Variants in FOCAD observed in about 807,000 individuals in gnomAD.
The protein encoded by FOCAD is KIAA1797.
In FOCAD, 198 loss-of-function variants were observed where a neutral mutation model predicts 225.6. The ratio of observed to expected loss-of-function variants is 0.88; its 90% CI spans 0.78 to 0.99. The LOEUF (loss-of-function observed/expected upper bound fraction) is 0.99. Among genes scored for constraint, FOCAD ranks in the 50% least tolerant of loss-of-function variants. The pLI, the probability that FOCAD is intolerant of heterozygous loss-of-function variation, is 0.00. For missense variants in FOCAD, 2,713 were observed against 2,123.6 expected, an observed-to-expected ratio of 1.28 and a Z score of -5.46; for synonymous variants, 897 against 755.0, an observed-to-expected ratio of 1.19 and a Z score of -3.08.
At chr9:20,671,016 C>G (rs1009141003) in intron 2 of FOCAD, among the ~76,000 whole-genome samples, 1 of 152,148 alleles carries the variant, frequency 6.6e-6, no homozygotes, top group East Asian at 1.9e-4. Context: ...CTCTGATTGT[C>G]TACAGAACAT....
In FOCAD at chr9:20,982,392, A is replaced by G. The variant is rs771235699; in HGVS notation, c.4674A>G (p.Lys1558=). Residue 1558 remains lysine, a synonymous_variant, in exon 39 of 44, where the codon AAA becomes AAG. Transcript: ENST00000338382. ...TAGAGCTGTATATCAGCATAGCAAAATGCCTCTTAGAAATGACAGATGATG... is the reference window on the plus strand; with the variant it reads ...TAGAGCTGTATATCAGCATAGCAAAGTGCCTCTTAGAAATGACAGATGATG... ...KDLELYISIA[K]CLLEMTDDDA... The G allele has an allele frequency of 7.4e-6, 12 of 1,613,792 alleles. No individual in the cohort carries two copies. In the African/African-American group the frequency reaches 1.3e-4, roughly 18 times the overall value.
intron 11 of FOCAD, among the ~76,000 whole-genome samples, chr9:20,813,215 A>G (rs1317502085): frequency 6.6e-6 from 1 of 152,178 alleles, no homozygotes; most frequent in Non-Finnish European, 1.5e-5. Flanking sequence ...AGACTAAATA[A>G]TATTCCATTG....
intron 19 of FOCAD, among the ~76,000 whole-genome samples, chr9:20,876,373 A>AT (rs1000277989): frequency 1.4e-4 from 21 of 151,270 alleles, no homozygotes; most frequent in South Asian, 8.4e-4. Context: ...TTTTTAAATG[A>AT]TTTTTTTTTC....
At chr9:20,912,739 T>TA in intron 22 of FOCAD, 127 bp from the exon 23 acceptor site, 1 of 648,724 alleles carries the variant, frequency 1.5e-6, no homozygotes, top group Admixed American at 2.7e-5. Flanking sequence ...TCCTCTTTCA[T>TA]AATCTAATGT....
At chr9:20,961,208 T>TCC (rs1419804654) in intron 35 of FOCAD, among the ~76,000 whole-genome samples, 1 of 151,578 alleles carries the variant, frequency 6.6e-6, no homozygotes, top group Admixed American at 6.6e-5. Flanking sequence ...TCTCTTTCTC[T>TCC]CCCTCTCTCT....
At chr9:20,760,752 G>T (rs1451470715) in intron 6 of FOCAD, among the ~76,000 whole-genome samples, 1 of 152,110 alleles carries the variant, frequency 6.6e-6, no homozygotes, top group Non-Finnish European at 1.5e-5. Context: ...TGAGGGCAGG[G>T]ACTGTGTTTC....
chr9:20,886,466 TA>T (rs1831110412), intron 21 of FOCAD, among the ~76,000 whole-genome samples: 1 of 151,604 alleles, frequency 6.6e-6, no homozygotes, highest in South Asian at 2.1e-4. Flanking sequence ...TGATTTATAA[TA>T]AAAAGTCACC....
chr9:20,866,917 T>TTTTTTTTTTTAAAAAAA lies in FOCAD; in HGVS notation c.2107-12_2107-11insTTTTTTTTTTAAAAAAA. ...TTTTTTTTTTTTTTTTTTTTTTTTT[T>TTTTTTTTTTTAAAAAAA]ACCCTATCTAGGACCCAATTGTAGC... On this transcript the variant is annotated splice_polypyrimidine_tract_variant and intron_variant, in intron 17 of 43. Transcript: ENST00000338382. 1.3e-6 allele frequency: 1 copy of TTTTTTTTTTTAAAAAAA among 764,972 alleles called. No homozygotes were observed. Among genetic ancestry groups the TTTTTTTTTTTAAAAAAA allele is most frequent in the Non-Finnish European group, 2.0e-6 (1 of 498,468 alleles). 47.4% of individuals were successfully genotyped at this position (764,972 alleles called of 1,614,324 possible). A position where few individuals can be genotyped will look rare whatever the true frequency, so the allele number is the denominator to read the frequency against.
rs143827982 is a variant in FOCAD, at chr9:20,944,697, G to C, written c.3478G>C (p.Val1160Leu). The C allele has an allele frequency of 6.2e-7, 1 of 1,613,976 alleles. No individual in the cohort carries two copies. Among genetic ancestry groups the C allele is most frequent in the Non-Finnish European group, 8.5e-7 (1 of 1,179,980 alleles). ...MSHSSQMQSRVHVAALLRKLS... is the reference protein window; with the variant it reads ...MSHSSQMQSRLHVAALLRKLS... ...CCACAGCAGCCAAATGCAGTCCCGC[G>C]TTCACGTAGCAGCATTGCTCCGGAA... is the stretch of plus-strand genomic sequence containing the variant. Residue 1160 changes from valine (V) to leucine (L), a missense_variant, in exon 29 of 44, where the codon GTT (valine) becomes CTT (leucine). Physicochemically the swap from Val to Leu is conservative, Grantham distance 32 (BLOSUM62 1). Coordinates refer to ENST00000338382, the MANE Select transcript of FOCAD (RefSeq NM_001375567.1).
intron 11 of FOCAD, among the ~76,000 whole-genome samples, chr9:20,799,591 C>A (rs754854480): frequency 6.6e-6 from 1 of 152,116 alleles, no homozygotes; most frequent in Non-Finnish European, 1.5e-5. Flanking sequence ...GATCCCTTTA[C>A]CATTATGTAA....
chr9:20,735,842 T>TA (rs201049456), intron 4 of FOCAD, among the ~76,000 whole-genome samples: 112 of 12,594 alleles, frequency 8.9e-3, no homozygotes, highest in African/African-American at 0.052. Context: ...TGTTTTATCT[T>TA]TAAAAAAAAA....
At chr9:20,763,274 C>T (rs548304411) in intron 6 of FOCAD, among the ~76,000 whole-genome samples, 1 of 152,250 alleles carries the variant, frequency 6.6e-6, no homozygotes, top group Non-Finnish European at 1.5e-5. Flanking sequence ...TCCGTGGCCT[C>T]ATTTGGTTTA....
chr9:20,815,123 G>GTGTTTTTT lies in FOCAD; in HGVS notation c.1456-4672_1456-4671insGTTTTTTT, dbSNP rs1564024181. ...TCTGGAAATATCATTACTTCTCTTT[G>GTGTTTTTT]TTTTTTTTTTTTTGTTTTTTTTTTT... On this transcript the variant is annotated intron_variant, in intron 11 of 43. Transcript: ENST00000338382. Among the ~76,000 whole-genome samples the GTGTTTTTT allele has an allele frequency of 2.7e-3, 228 of 85,362 alleles. 23 individuals are homozygous for GTGTTTTTT. Among genetic ancestry groups the GTGTTTTTT allele is most frequent in the South Asian group, 5.6e-3 (14 of 2,518 alleles). The allele number at this position is 85,362 out of a possible 152,430, so 56.0% of individuals were successfully genotyped here.
chr9:20,813,121 C>T (rs904975223), intron 11 of FOCAD, among the ~76,000 whole-genome samples: 6 of 152,084 alleles, frequency 3.9e-5, no homozygotes, highest in African/African-American at 1.4e-4. Flanking sequence ...ATGCAGTATT[C>T]GTCCTTCCGT....
intron 35 of FOCAD, among the ~76,000 whole-genome samples, chr9:20,955,772 C>A (rs943567862): frequency 6.6e-6 from 1 of 151,950 alleles, no homozygotes; most frequent in African/African-American, 2.4e-5. Context: ...TACTTTTATT[C>A]TTTTGTCTGA....
chr9:20,956,552 T>C (rs1838151859), intron 35 of FOCAD, among the ~76,000 whole-genome samples: 2 of 152,172 alleles, frequency 1.3e-5, no homozygotes, highest in Admixed American at 6.5e-5. Flanking sequence ...TATTGTCCTA[T>C]TTTAAAAAAA....
At chr9:20,851,679 GTA>G (rs991252132) in intron 15 of FOCAD, among the ~76,000 whole-genome samples, 30 of 152,006 alleles carry the variant, frequency 2.0e-4, no homozygotes, top group African/African-American at 7.2e-4. Flanking sequence ...GTTAGAATCT[GTA>G]GTGTGATGAG....
chr9:20,754,019 T>A (rs1828812468), intron 5 of FOCAD, among the ~76,000 whole-genome samples: 1 of 152,162 alleles, frequency 6.6e-6, no homozygotes, highest in Non-Finnish European at 1.5e-5. Flanking sequence ...TGTTTTGGCG[T>A]TCTTTGTACC....
chr9:20,902,244 G>A (rs913449066), intron 21 of FOCAD, among the ~76,000 whole-genome samples: 1 of 151,866 alleles, frequency 6.6e-6, no homozygotes, highest in Non-Finnish European at 1.5e-5. Context: ...TGTGGGAGAG[G>A]CACATATATA....
Sources: allele counts gnomAD v4.1 joint callset (sites outside exome capture counted in the v4.1 genomes callset), GRCh38; gene constraint gnomAD v4.1.1; transcripts MANE v1.5; gene names NCBI Gene and HGNC (gene_info 2026-07-23, HGNC 2026-07-21).